The following CCDC40 variants were observed in gnomAD, a reference collection of about 807,000 sequenced individuals.
The protein encoded by CCDC40 is coiled-coil domain-containing protein 40.
CCDC40 carries 104 observed loss-of-function variants against 124.5 expected under a neutral mutation model. That is an observed-to-expected ratio of 0.84 (90% CI 0.71 to 0.98). CCDC40 has a LOEUF of 0.98. Among genes scored for constraint, CCDC40 ranks in the 50% least tolerant of loss-of-function variants. The probability of loss-of-function intolerance (pLI) is 0.00; values close to 1 mark genes in which losing one functional copy is unlikely to be tolerated. For synonymous variants in CCDC40, 580 were observed against 602.9 expected, an observed-to-expected ratio of 0.96 and a Z score of 0.56; for missense variants, 1,463 against 1,503.9, an observed-to-expected ratio of 0.97 and a Z score of 0.45.
intron 12 of CCDC40, among the ~76,000 whole-genome samples, chr17:80,082,427 G>GA (rs1757719818): frequency 6.6e-6 from 1 of 151,226 alleles, no homozygotes; most frequent in Non-Finnish European, 1.5e-5. Context: ...TGTGTCCTTA[G>GA]AAAAAACAAT....
At chr17:80,047,454 A>T in intron 4 of CCDC40, 52 bp downstream of exon 4, 1 of 1,585,564 alleles carries the variant, frequency 6.3e-7, no homozygotes. Flanking sequence ...CCACCTGCAC[A>T]GGCCCTTCTG....
At chr17:80,050,029 G>T (rs1305593525) in intron 6 of CCDC40, 35 bp from the exon 7 acceptor site, 7 of 1,613,510 alleles carry the variant, frequency 4.3e-6, no homozygotes, top group Non-Finnish European at 5.9e-6. Flanking sequence ...TCGGATGCCT[G>T]CGTCCTGGTG....
chr17:80,099,868 A>T lies in CCDC40; in HGVS notation c.*93A>T. Reference sequence around the variant, plus strand: ...ACTTGGAATCTTTTGTGTTCCTAAAAACCACATGTACCCTCAGAAGGGCAT... The same window carrying T: ...ACTTGGAATCTTTTGTGTTCCTAAATACCACATGTACCCTCAGAAGGGCAT... On this transcript the variant is annotated 3_prime_UTR_variant, in exon 20 of 20. Transcript: ENST00000397545. 7.1e-7 allele frequency: 1 copy of T among 1,404,348 alleles called. No individual in the cohort carries two copies. Among genetic ancestry groups the T allele is most frequent in the Non-Finnish European group, 9.8e-7 (1 of 1,015,230 alleles). 87.0% of individuals were successfully genotyped at this position (1,404,348 alleles called of 1,614,324 possible).
intron 10 of CCDC40, 166 bp from the exon 11 acceptor site, chr17:80,081,380 G>A (rs1446999309): frequency 6.2e-6 from 1 of 161,056 alleles, no homozygotes; most frequent in Admixed American, 1.0e-4. Context: ...GTGAGACTCT[G>A]TCTCAAAAAA....
intron 10 of CCDC40, among the ~76,000 whole-genome samples, chr17:80,070,990 C>T (rs1013163249): frequency 1.8e-4 from 27 of 152,156 alleles, no homozygotes; most frequent in African/African-American, 3.9e-4. Context: ...AAGACCAGAC[C>T]GGGCCTGCCA....
chr17:80,056,000 A>ATTTTT (rs1285051283), intron 7 of CCDC40, among the ~76,000 whole-genome samples: 176 of 7,548 alleles, frequency 0.023, 27 homozygotes, highest in Non-Finnish European at 0.046. Context: ...ATATATATAT[A>ATTTTT]TATATATATA....
intron 10 of CCDC40, among the ~76,000 whole-genome samples, chr17:80,075,274 A>AC (rs2038284533): frequency 1.0e-5 from 1 of 98,460 alleles, no homozygotes; most frequent in Non-Finnish European, 2.0e-5. Flanking sequence ...CCAAAATATT[A>AC]CTTTTTTTTT....
intron 10 of CCDC40, among the ~76,000 whole-genome samples, chr17:80,073,315 A>G (rs1472424803): frequency 3.9e-5 from 6 of 152,134 alleles, no homozygotes; most frequent in African/African-American, 1.4e-4. Flanking sequence ...GGTTGACGGC[A>G]GCTCCGTGTG....
chr17:80,065,460 C>T, intron 9 of CCDC40, 25 bp from the exon 10 acceptor site: 2 of 1,612,910 alleles, frequency 1.2e-6, no homozygotes, highest in African/African-American at 2.7e-5. Flanking sequence ...ACAGCCATTC[C>T]TGCCCCCTCC....
intron 3 of CCDC40, among the ~76,000 whole-genome samples, chr17:80,044,412 A>G (rs1266121136): frequency 1.3e-5 from 2 of 152,206 alleles, no homozygotes; most frequent in Non-Finnish European, 2.9e-5. Flanking sequence ...GGCCAGGCCT[A>G]GTGGCTCATG....
chr17:80,053,846 C>T (rs1374418816), intron 7 of CCDC40, among the ~76,000 whole-genome samples: 2 of 152,186 alleles, frequency 1.3e-5, no homozygotes, highest in Non-Finnish European at 2.9e-5. Context: ...CCACCTTGGC[C>T]TCCCAATGCA....
chr17:80,090,223 G>C, intron 17 of CCDC40: 1 of 881,332 alleles, frequency 1.1e-6, no homozygotes, highest in Non-Finnish European at 1.6e-6. Context: ...GAAGAACACG[G>C]GACGCGCGCA....
Position 80,058,457 on chromosome 17 carries a change from C to G in CCDC40, c.1160-37C>G. 6.2e-7 allele frequency: 1 copy of G among 1,605,884 alleles called. No homozygotes were observed. Among genetic ancestry groups the G allele is most frequent in the Non-Finnish European group, 8.5e-7 (1 of 1,174,968 alleles). On this transcript the variant is annotated intron_variant, in intron 7 of 19. Coordinates refer to ENST00000397545, the MANE Select transcript of CCDC40 (RefSeq NM_017950.4). This position sits in a 1 kb window ranked among gnomAD's most constrained non-coding sequence, Gnocchi z 4.2. ...GGGACGCTGGGACAGCCTCCCCACT[C>G]ACTCTCTCTCTCTTTCTCCCCCGCC...
intron 17 of CCDC40, among the ~76,000 whole-genome samples, chr17:80,093,964 T>TTAA (rs1308325664): frequency 3.9e-5 from 6 of 152,210 alleles, no homozygotes; most frequent in Admixed American, 1.3e-4. Flanking sequence ...TTTTTAGTGT[T>TTAA]TCTTAGTGTG....
At position 80,058,675 on chromosome 17, in the gene CCDC40, T is replaced by A. The variant is rs141472003; in HGVS notation, c.1317+24T>A. On this transcript the variant is annotated intron_variant, in intron 8 of 19. Coordinates refer to ENST00000397545, the MANE Select transcript of CCDC40 (RefSeq NM_017950.4). This position sits in a 1 kb window ranked among gnomAD's most constrained non-coding sequence, Gnocchi z 4.2. Reference sequence around the variant, plus strand: ...AGGTATTCTGCAAACTCGACACATGTTTAATGATCACCAGACCGTGGAGCT... The same window carrying A: ...AGGTATTCTGCAAACTCGACACATGATTAATGATCACCAGACCGTGGAGCT... The A allele has an allele frequency of 3.8e-4, 611 of 1,613,558 alleles. 3 individuals are homozygous for A. The African/African-American group carries it at 6.7e-3, about 18-fold the overall frequency.
chr17:80,069,746 G>A (rs774019402), intron 10 of CCDC40, among the ~76,000 whole-genome samples: 3 of 151,542 alleles, frequency 2.0e-5, no homozygotes, highest in Non-Finnish European at 2.9e-5. Context: ...GCGAGACTTC[G>A]TCTCAAAAAA....
intron 3 of CCDC40, among the ~76,000 whole-genome samples, chr17:80,043,520 A>T (rs1598479705): frequency 6.9e-6 from 1 of 144,572 alleles, no homozygotes; most frequent in South Asian, 2.2e-4. Context: ...CTTGGCTCAC[A>T]CCCCTGCGGC....
chr17:80,056,000 A>ATT lies in CCDC40; in HGVS notation c.1160-2493_1160-2492insTT, dbSNP rs1285051283. 5.6e-3 allele frequency among the ~76,000 whole-genome samples: 42 copies of ATT among 7,564 alleles called. 3 individuals are homozygous for ATT. The highest frequency in any genetic ancestry group is 7.5e-3 in the Non-Finnish European group (24 of 3,198). The allele number at this position is 7,564 out of a possible 152,430, so 5.0% of individuals were successfully genotyped here. On this transcript the variant is annotated intron_variant, in intron 7 of 19. Coordinates refer to ENST00000397545, the MANE Select transcript of CCDC40 (RefSeq NM_017950.4). ...AATTTTCATATATATATATATATATATATATATATATATATATTTTTTTTT... is the reference window on the plus strand; with the variant it reads ...AATTTTCATATATATATATATATATATTTATATATATATATATATTTTTTTTT...
chr17:80,043,709 G>T (rs1308420807), intron 3 of CCDC40, among the ~76,000 whole-genome samples: 1 of 150,710 alleles, frequency 6.6e-6, no homozygotes, highest in Non-Finnish European at 1.5e-5. Flanking sequence ...GTACAAGGGG[G>T]CGTCTTACCA....
Sources: allele counts gnomAD v4.1 joint callset (sites outside exome capture counted in the v4.1 genomes callset), GRCh38; gene constraint gnomAD v4.1.1; non-coding constraint Gnocchi (gnomAD v3.1); transcripts MANE v1.5; gene names NCBI Gene and HGNC (gene_info 2026-07-23, HGNC 2026-07-21).